The following TBC1D1 variants were observed in gnomAD, a reference collection of about 807,000 sequenced individuals.
TBC1D1 encodes the protein TBC1 domain family member 1.
In TBC1D1, 89 loss-of-function variants were observed where a neutral mutation model predicts 125.6. That is an observed-to-expected ratio of 0.71 (90% CI 0.60 to 0.85). The LOEUF is 0.85. Among genes scored for constraint, TBC1D1 ranks in the 40% least tolerant of loss-of-function variants. The pLI is 0.00. For synonymous variants in TBC1D1, 565 were observed against 564.1 expected (o/e 1.00, Z -0.02); for missense variants, 1,377 against 1,469.2 (o/e 0.94, Z 1.03).
chr4:38,043,647 G>T (rs971691130), intron 8 of TBC1D1, among the ~76,000 whole-genome samples: 1 of 151,816 alleles, frequency 6.6e-6, no homozygotes, highest in South Asian at 2.1e-4. Context: ...TCATTTAGTG[G>T]TTGTCAAGCA....
At position 37,908,142 on chromosome 4, in the gene TBC1D1, C is replaced by T. The variant is rs544421629; in HGVS notation, c.417+5630C>T. On this transcript the variant is annotated intron_variant, in intron 2 of 19. Coordinates refer to ENST00000261439, the MANE Select transcript of TBC1D1 (RefSeq NM_015173.4). ...GGAGAAGTGCAGGCTGGTGTGTGGT[C>T]GAGGGCAGTGGGCAGAGTGTGTGCC... 2.6e-5 allele frequency among the ~76,000 whole-genome samples: 4 copies of T among 151,398 alleles called. No individual in the cohort carries two copies. In the East Asian group the frequency reaches 7.7e-4, roughly 29 times the overall value.
chr4:38,047,710 G>T (rs1156709636), intron 10 of TBC1D1, among the ~76,000 whole-genome samples: 1 of 152,144 alleles, frequency 6.6e-6, no homozygotes, highest in Non-Finnish European at 1.5e-5. Context: ...TAACTTCAGT[G>T]TCAGAAGAGC....
rs753893160 is a variant in TBC1D1, at chr4:38,054,248, G to A, written c.1960G>A (p.Val654Met). ...TCTTGGTGATTCTGGTGGGACTCCTGTGAAGACCCGGAGGCATTCCTGGAG... is the reference window on the plus strand; with the variant it reads ...TCTTGGTGATTCTGGTGGGACTCCTATGAAGACCCGGAGGCATTCCTGGAG... Residue 654 changes from valine (V) to methionine (M), a missense_variant, in exon 12 of 20, where the codon GTG becomes ATG. Around this residue, in one of 3 missense-constraint regions of TBC1D1, gnomAD observed 12 missense variants for 31.1 expected, o/e 0.39. Transcript: ENST00000261439. 16 of 1,614,080 alleles carry A rather than the reference G, an allele frequency of 9.9e-6. No homozygotes were observed. Among genetic ancestry groups the A allele is most frequent in the Middle Eastern group, 1.6e-4 (1 of 6,084 alleles).
chr4:37,933,652 T>G (rs1723781372), intron 2 of TBC1D1, among the ~76,000 whole-genome samples: 1 of 152,198 alleles, frequency 6.6e-6, no homozygotes, highest in Non-Finnish European at 1.5e-5. Context: ...CTAATAAGCT[T>G]TCAGTAACTA....
intron 12 of TBC1D1, among the ~76,000 whole-genome samples, chr4:38,071,535 T>C (rs2152511462): frequency 6.6e-6 from 1 of 152,350 alleles, no homozygotes; most frequent in Middle Eastern, 3.4e-3. Context: ...TAAGTTAGCC[T>C]TAGGTCACCC....
In TBC1D1 at chr4:38,018,368, A is replaced by T. The variant is rs1184159790; in HGVS notation, c.897A>T (p.Glu299Asp). The T allele has an allele frequency of 6.2e-7, 1 of 1,610,392 alleles. No homozygotes were observed. Among genetic ancestry groups the T allele is most frequent in the African/African-American group, 1.3e-5 (1 of 74,786 alleles). The change falls in exon 4 of 20, where the codon GAA becomes GAT. Residue 299 changes from glutamate to aspartate, a missense_variant. Glu to Asp is a conservative substitution (Grantham distance 45, BLOSUM62 2). This residue lies in a region of TBC1D1 where 822 missense variants were observed against 824.6 expected (regional missense o/e 1.00). Transcript: ENST00000261439. The stretch of plus-strand genomic sequence containing the variant: ...TGTCTTTTAAGATTGGCCAGTCTGA[A>T]GTTTACCTCATCAGTCCTGACACCA...
intron 2 of TBC1D1, among the ~76,000 whole-genome samples, chr4:37,927,809 A>G (rs1160502086): frequency 6.6e-6 from 1 of 152,164 alleles, no homozygotes; most frequent in Non-Finnish European, 1.5e-5. Context: ...ACGCGGGAGG[A>G]TCACTTGAGC....
chr4:38,034,166 G>A (rs1192958412), intron 7 of TBC1D1, among the ~76,000 whole-genome samples: 1 of 152,240 alleles, frequency 6.6e-6, no homozygotes, highest in East Asian at 1.9e-4. Context: ...TGGGCTCAGT[G>A]TACCCATAAC....
chr4:37,969,926 G>C (rs141824643), intron 2 of TBC1D1, among the ~76,000 whole-genome samples: 2 of 152,012 alleles, frequency 1.3e-5, no homozygotes, highest in Non-Finnish European at 2.9e-5. Flanking sequence ...TCCAGCCCCC[G>C]GTAACTACTA....
At chr4:38,035,754 A>G (rs1447638413) in intron 8 of TBC1D1, 56 bp downstream of exon 8, 5 of 1,308,490 alleles carry the variant, frequency 3.8e-6, no homozygotes, top group Non-Finnish European at 5.4e-6. Flanking sequence ...GTCTCTGTAT[A>G]AACAACGTTT....
At chr4:38,077,469 T>G (rs1380026486) in intron 12 of TBC1D1, among the ~76,000 whole-genome samples, 1 of 152,210 alleles carries the variant, frequency 6.6e-6, no homozygotes, top group Non-Finnish European at 1.5e-5. Flanking sequence ...TTAATAATTT[T>G]GGGGTTGAAA....
At chr4:38,069,806 A>G (rs1389261242) in intron 12 of TBC1D1, among the ~76,000 whole-genome samples, 1 of 151,246 alleles carries the variant, frequency 6.6e-6, no homozygotes, top group Non-Finnish European at 1.5e-5. Context: ...GTATCAGGGA[A>G]CCCCTGGGCC....
At chr4:38,047,066 T>G (rs538885706) in intron 10 of TBC1D1, among the ~76,000 whole-genome samples, 8 of 152,342 alleles carry the variant, frequency 5.3e-5, no homozygotes, top group African/African-American at 1.4e-4. Flanking sequence ...ACACACAAAA[T>G]TAAAAGTTCA....
intron 2 of TBC1D1, among the ~76,000 whole-genome samples, chr4:37,964,867 G>C (rs1242881072): frequency 6.6e-6 from 1 of 152,176 alleles, no homozygotes; most frequent in Admixed American, 6.5e-5. Flanking sequence ...CATGAAAAAG[G>C]CCAAGCTCCT....
chr4:38,088,478 C>T (rs1345572956), intron 12 of TBC1D1, among the ~76,000 whole-genome samples: 2 of 152,162 alleles, frequency 1.3e-5, no homozygotes, highest in African/African-American at 4.8e-5. Context: ...ACAGCTATTT[C>T]TCAGGCACCT....
chr4:38,065,141 T>C (rs1353663750), intron 12 of TBC1D1, among the ~76,000 whole-genome samples: 2 of 152,296 alleles, frequency 1.3e-5, no homozygotes, highest in East Asian at 3.9e-4. Context: ...TTTTTCCATG[T>C]TGACCAGGCT....
chr4:37,937,502 G>C (rs939375811), intron 2 of TBC1D1, among the ~76,000 whole-genome samples: 6 of 152,160 alleles, frequency 3.9e-5, no homozygotes, highest in Non-Finnish European at 8.8e-5. Flanking sequence ...ACTGGTATTA[G>C]TTGGTAATGT....
rs1191567656 is a variant in TBC1D1 at position 37,902,030 on chromosome 4, G to A, written c.-66G>A. The A allele has an allele frequency of 2.0e-5, 30 of 1,490,214 alleles. No homozygotes were observed. The highest frequency in any genetic ancestry group is 2.6e-5 in the Non-Finnish European group (29 of 1,107,944). 92.3% of individuals were successfully genotyped at this position (1,490,214 alleles called of 1,614,324 possible). A position where few individuals can be genotyped will look rare whatever the true frequency, so the allele number is the denominator to read the frequency against. ...TTCTGCATATGAAGTGTGTAAAATA[G>A]ATTGCTTGATCCAAAACAGAAAAAC... On this transcript the variant is annotated 5_prime_UTR_variant, in exon 2 of 20. The change abolishes the stop of an existing upstream ORF in the 5' untranslated region. Transcript: ENST00000261439.
At chr4:37,948,746 A>G (rs561793719) in intron 2 of TBC1D1, among the ~76,000 whole-genome samples, 1 of 152,096 alleles carries the variant, frequency 6.6e-6, no homozygotes, top group African/African-American at 2.4e-5. Flanking sequence ...CCCCCAAAAA[A>G]CCTGTACGTA....
Sources: gnomAD v4.1 joint callset for allele counts (sites outside exome capture counted in the v4.1 genomes callset) on GRCh38, gnomAD v4.1.1 for gene constraint, gnomAD v4.1.1 regional missense constraint, MANE v1.5 for transcripts, NCBI Gene and HGNC (gene_info 2026-07-23, HGNC 2026-07-21) for gene names.